Variants in GBF1 observed in about 807,000 individuals in gnomAD.
GBF1 encodes the protein Golgi-specific brefeldin A-resistance guanine nucleotide exchange factor 1.
Under a neutral mutation model 210.5 loss-of-function variants are expected in GBF1, and 114 were observed. The ratio of observed to expected loss-of-function variants is 0.54; its 90% CI spans 0.47 to 0.63. GBF1 has a LOEUF of 0.63. GBF1 is among the 30% of genes least tolerant of loss of function. The pLI is 0.00. For synonymous variants in GBF1, 850 were observed against 889.2 expected, an observed-to-expected ratio of 0.96 and a Z score of 0.78; for missense variants, 1,851 against 2,357.7, an observed-to-expected ratio of 0.79 and a Z score of 4.45.
chr10:102,351,358 T>C lies in GBF1; in HGVS notation c.398T>C (p.Leu133Pro), dbSNP rs780324020. The C allele has an allele frequency of 1.3e-6, 2 of 1,586,564 alleles. No homozygotes were observed. Among genetic ancestry groups the C allele is most frequent in the Non-Finnish European group, 1.7e-6 (2 of 1,154,862 alleles). Reference protein sequence around the residue: ...GTDPASDEVVLMKILQVLRTL... With the variant: ...GTDPASDEVVPMKILQVLRTL... ...GATCCTGCCAGTGATGAAGTTGTCC[T>C]GATGAAAATCCTTCAGGTAAGCGAG... is the stretch of plus-strand genomic sequence containing the variant. Residue 133 changes from leucine to proline, a missense_variant, in exon 5 of 40, where the codon CTG becomes CCG. By Grantham distance (98) the Leu-to-Pro change is moderately conservative. This residue lies in a region of GBF1 where 804 missense variants were observed against 958.6 expected (regional missense o/e 0.84). Coordinates refer to ENST00000369983, the MANE Select transcript of GBF1 (RefSeq NM_001377137.1).
chr10:102,331,031 G>A lies in GBF1; in HGVS notation c.164-13020G>A, dbSNP rs909060119. On this transcript the variant is annotated intron_variant, in intron 3 of 39. Coordinates refer to ENST00000369983, the MANE Select transcript of GBF1 (RefSeq NM_001377137.1). ...GCAAGGAGACGATGGCAAAAATGAC[G>A]ATTTCAGGAGCAGAGATTTACGGAA... 3.2e-4 allele frequency among the ~76,000 whole-genome samples: 48 copies of A among 152,192 alleles called. 1 individual carries two copies. The highest frequency in any genetic ancestry group is 2.0e-3 in the Admixed American group (30 of 15,278).
At chr10:102,288,971 C>T (rs1054305369) in intron 3 of GBF1, among the ~76,000 whole-genome samples, 22 of 152,028 alleles carry the variant, frequency 1.4e-4, no homozygotes, top group Non-Finnish European at 3.2e-4. Flanking sequence ...GGTGTGGTGG[C>T]ACACGTTTGT....
chr10:102,380,735 C>T, intron 38 of GBF1, 49 bp downstream of exon 38: 2 of 1,444,202 alleles, frequency 1.4e-6, no homozygotes, highest in Non-Finnish European at 1.9e-6. Context: ...TGCCTGGGCA[C>T]AATGGCTCAC....
chr10:102,376,821 G>A (rs1177522619), intron 32 of GBF1, 21 bp downstream of exon 32: 4 of 1,608,664 alleles, frequency 2.5e-6, no homozygotes, highest in Non-Finnish European at 3.4e-6. Flanking sequence ...TGATGAGGGG[G>A]CAGCTGGGGA....
Position 102,353,366 on chromosome 10 carries a change from G to A in GBF1, c.585-234G>A, listed in dbSNP as rs1484019201. ...GATAAAAAGAGCCTCCACACTCCAA[G>A]GGCACTTACCTTGCTCTCACAACTA... On this transcript the variant is annotated intron_variant, in intron 7 of 39. Transcript: ENST00000369983. 2.0e-5 allele frequency among the ~76,000 whole-genome samples: 3 copies of A among 152,114 alleles called. No homozygotes were observed. In the South Asian group the frequency reaches 6.2e-4, roughly 32 times the overall value.
At chr10:102,263,008 C>T (rs1323819051) in intron 3 of GBF1, among the ~76,000 whole-genome samples, 1 of 152,134 alleles carries the variant, frequency 6.6e-6, no homozygotes, top group African/African-American at 2.4e-5. Context: ...TGGTGCCTGC[C>T]AAGGTTGCTA....
At position 102,379,530 on chromosome 10, in the gene GBF1, G is replaced by T. The variant is rs2060712094; in HGVS notation, c.4655G>T (p.Cys1552Phe). 1 of 1,614,042 alleles carries T rather than the reference G, an allele frequency of 6.2e-7. No homozygotes were observed. Among genetic ancestry groups the T allele is most frequent in the Admixed American group, 1.7e-5 (1 of 59,990 alleles). ...CWCPLLQGIA[C>F]LCCDARRQVR... Reference sequence around the variant, plus strand: ...CTGCTCTTGCTCTCAGGTATTGCCTGCCTGTGCTGCGATGCCCGGCGCCAG... The same window carrying T: ...CTGCTCTTGCTCTCAGGTATTGCCTTCCTGTGCTGCGATGCCCGGCGCCAG... Residue 1552 changes from cysteine (C) to phenylalanine (F), a missense_variant, in exon 35 of 40, where the codon TGC becomes TTC. By Grantham distance (205) the Cys-to-Phe change is radical. This residue lies in a region of GBF1 where 967 missense variants were observed against 1,247.7 expected (regional missense o/e 0.78). Transcript: ENST00000369983.
intron 13 of GBF1, 139 bp from the exon 14 acceptor site, chr10:102,361,579 G>C: frequency 1.7e-6 from 1 of 584,720 alleles, no homozygotes; most frequent in South Asian, 2.2e-5. Context: ...TTAGGGGATG[G>C]AATACCTTTG....
chr10:102,325,173 C>T (rs575785867), intron 3 of GBF1, among the ~76,000 whole-genome samples: 15 of 152,054 alleles, frequency 9.9e-5, no homozygotes, highest in African/African-American at 3.1e-4. Flanking sequence ...TCCCTAAGTG[C>T]GTTACAGGGA....
chr10:102,348,010 C>G (rs1007972749), intron 4 of GBF1, among the ~76,000 whole-genome samples: 1 of 152,122 alleles, frequency 6.6e-6, no homozygotes, highest in East Asian at 1.9e-4. Flanking sequence ...GATCTTGGCT[C>G]ACTGCAACCT....
At chr10:102,364,166 TTAGTAAGGTTCAAA>T (rs532506110) in intron 17 of GBF1, among the ~76,000 whole-genome samples, 117 of 152,060 alleles carry the variant, frequency 7.7e-4, no homozygotes, top group Non-Finnish European at 1.3e-3. Context: ...TTCTGGTGCT[TTAGTAAGGTTCAAA>T]TAGTAAGGTT....
At position 102,382,321 on chromosome 10, in the gene GBF1, C is replaced by T; in HGVS notation, c.5568C>T (p.Thr1856=). 1 of 1,610,250 alleles carries T rather than the reference C, an allele frequency of 6.2e-7. No individual in the cohort carries two copies. Among genetic ancestry groups the T allele is most frequent in the East Asian group, 2.2e-5 (1 of 44,768 alleles). Residue 1856 remains threonine (T), a synonymous_variant, in exon 40 of 40, where the codon ACC becomes ACT. Coordinates refer to ENST00000369983, the MANE Select transcript of GBF1 (RefSeq NM_001377137.1). The stretch of plus-strand genomic sequence containing the variant: ...CCCGCCCCACAGATCCCATACCCAC[C>T]TCTGAGGTCAACTAAGGCAGGTCAC... The part of the protein sequence containing the change: ...ATPRPTDPIP[T]SEVN
chr10:102,300,062 G>A (rs1191275243), intron 3 of GBF1, among the ~76,000 whole-genome samples: 4 of 152,176 alleles, frequency 2.6e-5, no homozygotes, highest in Non-Finnish European at 4.4e-5. Flanking sequence ...TTTGGCAGGG[G>A]ATCTGAGGTT....
chr10:102,256,724 G>A (rs989487597), intron 1 of GBF1, among the ~76,000 whole-genome samples: 2 of 151,980 alleles, frequency 1.3e-5, no homozygotes, highest in Non-Finnish European at 2.9e-5. Context: ...TCACCATGTT[G>A]GCCAGGTTGG....
intron 1 of GBF1, among the ~76,000 whole-genome samples, chr10:102,251,557 T>G (rs1254159194): frequency 6.6e-6 from 1 of 152,110 alleles, no homozygotes; most frequent in Non-Finnish European, 1.5e-5. Flanking sequence ...TATTTTTATT[T>G]TCATTTATTT....
At chr10:102,256,362 A>G (rs1305075949) in intron 1 of GBF1, among the ~76,000 whole-genome samples, 1 of 152,042 alleles carries the variant, frequency 6.6e-6, no homozygotes, top group Non-Finnish European at 1.5e-5. Context: ...CTTGCTAGGT[A>G]CATTTCTTTC....
chr10:102,261,133 A>G (rs188850380), intron 3 of GBF1, among the ~76,000 whole-genome samples: 16 of 152,338 alleles, frequency 1.1e-4, no homozygotes, highest in African/African-American at 3.4e-4. Context: ...GGTGGAGTCA[A>G]AACTAGAATT....
chr10:102,255,773 C>T (rs967006448), intron 1 of GBF1, among the ~76,000 whole-genome samples: 5 of 152,204 alleles, frequency 3.3e-5, no homozygotes, highest in African/African-American at 9.7e-5. Context: ...CAGAAGAGAG[C>T]GTGGTTGTAC....
At chr10:102,235,809 C>T in the GBF1 span, among the ~76,000 whole-genome samples, 8 of 152,206 alleles carry the variant, frequency 5.3e-5, no homozygotes, top group Admixed American at 2.0e-4. Flanking sequence ...AAGGTGAGTA[C>T]GCTGCATTAC....
Sources: gnomAD v4.1 joint callset for allele counts (sites outside exome capture counted in the v4.1 genomes callset) on GRCh38, gnomAD v4.1.1 for gene constraint, gnomAD v4.1.1 regional missense constraint, MANE v1.5 for transcripts, NCBI Gene and HGNC (gene_info 2026-07-23, HGNC 2026-07-21) for gene names.